Variants in MAP2K5 observed in about 807,000 individuals in gnomAD.
The protein encoded by MAP2K5 is dual specificity mitogen-activated protein kinase kinase 5.
A neutral mutation model predicts 83.1 loss-of-function variants in MAP2K5; 49 were observed. The observed-to-expected ratio is 0.59, with a 90% CI of 0.47 to 0.75. MAP2K5 has a LOEUF of 0.75. MAP2K5 is among the 30% of genes least tolerant of loss of function. The pLI is 0.00. For synonymous variants in MAP2K5, 202 were observed against 191.8 expected, an observed-to-expected ratio of 1.05 and a Z score of -0.44; for missense variants, 457 against 557.5, an observed-to-expected ratio of 0.82 and a Z score of 1.82.
At chr15:67,653,115 G>A (rs1294048240) in intron 11 of MAP2K5, among the ~76,000 whole-genome samples, 1 of 151,722 alleles carries the variant, frequency 6.6e-6, no homozygotes, top group Non-Finnish European at 1.5e-5. Flanking sequence ...GTTTCATCTA[G>A]GTTATCTAAT....
At position 67,747,535 on chromosome 15, in the gene MAP2K5, AGTGTTAAAT is replaced by A. The variant is rs2089630267; in HGVS notation, c.1075-691_1075-683del. Among the ~76,000 whole-genome samples the A allele has an allele frequency of 1.3e-5, 2 of 152,216 alleles. No individual in the cohort carries two copies. Among genetic ancestry groups the A allele is most frequent in the Non-Finnish European group, 2.9e-5 (2 of 68,040 alleles). On this transcript the variant is annotated intron_variant, in intron 17 of 21. Transcript: ENST00000178640. This position sits in a 1 kb window ranked among gnomAD's most constrained non-coding sequence, Gnocchi z 4.1. Reference sequence around the variant, plus strand: ...AGCTTTGTAAGAAATGCAGTTTATCAGTGTTAAATGTGTGAGCAGCCTGCCTTCAGAATG... The same window carrying A: ...AGCTTTGTAAGAAATGCAGTTTATCAGTGTGAGCAGCCTGCCTTCAGAATG...
chr15:67,806,827 G>T lies in MAP2K5; in HGVS notation c.*77G>T. Reference sequence around the variant, plus strand: ...CACCCGTCGCCCTTCTCCGTATGCTGCCTGCGCCAGAAGAGCTTTGCTGGG... The same window carrying T: ...CACCCGTCGCCCTTCTCCGTATGCTTCCTGCGCCAGAAGAGCTTTGCTGGG... On this transcript the variant is annotated 3_prime_UTR_variant, in exon 22 of 22. Transcript: ENST00000178640. The T allele has an allele frequency of 1.3e-6, 2 of 1,597,836 alleles. No homozygotes were observed. Among genetic ancestry groups the T allele is most frequent in the Admixed American group, 3.3e-5 (2 of 59,914 alleles).
intron 8 of MAP2K5, among the ~76,000 whole-genome samples, chr15:67,624,407 C>T (rs1356175082): frequency 2.0e-5 from 3 of 151,016 alleles, no homozygotes; most frequent in Non-Finnish European, 4.4e-5. Flanking sequence ...CAGAGCCTGT[C>T]CCATTTGCTC....
rs1433969099 is a variant in MAP2K5 at position 67,665,521 on chromosome 15, A to G, written c.847+876A>G. The stretch of plus-strand genomic sequence containing the variant: ...TTTTCTTTTAAGGATATAAACTGTG[A>G]GATGGAGAAAACAACTGATATTTTC... On this transcript the variant is annotated intron_variant, in intron 13 of 21. Transcript: ENST00000178640. The surrounding 1 kb of genome is among the most constrained non-coding windows in gnomAD (Gnocchi z 4.2). Among the ~76,000 whole-genome samples, 4 of 152,186 alleles carry G rather than the reference A, an allele frequency of 2.6e-5. No homozygotes were observed. Among genetic ancestry groups the G allele is most frequent in the Non-Finnish European group, 1.5e-5 (1 of 68,030 alleles).
chr15:67,606,675 G>A (rs1163967614), intron 8 of MAP2K5, among the ~76,000 whole-genome samples: 1 of 152,114 alleles, frequency 6.6e-6, no homozygotes, highest in African/African-American at 2.4e-5. Flanking sequence ...TTTGACTGTA[G>A]AGGCCAACTA....
chr15:67,806,970 A>G lies in MAP2K5; in HGVS notation c.*220A>G. The G allele has an allele frequency of 2.0e-6, 3 of 1,528,724 alleles. No homozygotes were observed. Among genetic ancestry groups the G allele is most frequent in the South Asian group, 2.4e-5 (2 of 82,958 alleles). The allele number at this position is 1,528,724 out of a possible 1,614,324, so 94.7% of individuals were successfully genotyped here. A position where few individuals can be genotyped will look rare whatever the true frequency, so the allele number is the denominator to read the frequency against. On this transcript the variant is annotated 3_prime_UTR_variant, in exon 22 of 22. Coordinates refer to ENST00000178640, the MANE Select transcript of MAP2K5 (RefSeq NM_145160.3). Reference sequence around the variant, plus strand: ...TACCTTCTGGTTTGAAGGCGCTGACACTGGCAGAGAGGTAAAGGGTGGGGC... The same window carrying G: ...TACCTTCTGGTTTGAAGGCGCTGACGCTGGCAGAGAGGTAAAGGGTGGGGC...
At chr15:67,597,235 A>G (rs1453277586) in intron 7 of MAP2K5, among the ~76,000 whole-genome samples, 1 of 151,922 alleles carries the variant, frequency 6.6e-6, no homozygotes, top group Non-Finnish European at 1.5e-5. Flanking sequence ...GCTCTCCTTC[A>G]CCTCTTTTCA....
chr15:67,692,301 C>T (rs1354019184), intron 13 of MAP2K5, among the ~76,000 whole-genome samples, 178 bp from the exon 14 acceptor site: 1 of 152,106 alleles, frequency 6.6e-6, no homozygotes, highest in African/African-American at 2.4e-5. Context: ...GGAGTTAAGA[C>T]CTTACATTTT....
rs1237585177 is a variant in MAP2K5, at chr15:67,793,653, C to T, written c.1243-12993C>T. On this transcript the variant is annotated intron_variant, in intron 21 of 21. Transcript: ENST00000178640. The surrounding 1 kb of genome is among the most constrained non-coding windows in gnomAD (Gnocchi z 4.6). ...CAAGTTCTAGTTTAACTTCCATATT[C>T]TTAGTCTGAGATAAGGGTGTCAAAG... is the stretch of plus-strand genomic sequence containing the variant. Among the ~76,000 whole-genome samples, 2 of 152,202 alleles carry T rather than the reference C, an allele frequency of 1.3e-5. No homozygotes were observed. The highest frequency in any genetic ancestry group is 4.8e-5 in the African/African-American group (2 of 41,456).
chr15:67,766,315 AG>A (rs578167489), intron 19 of MAP2K5, among the ~76,000 whole-genome samples: 42 of 152,226 alleles, frequency 2.8e-4, no homozygotes, highest in Non-Finnish European at 5.3e-4. Context: ...TCAACGGAAA[AG>A]CATCTGGAAG....
At chr15:67,590,436 TCCCTCCCTCC>T in intron 6 of MAP2K5, among the ~76,000 whole-genome samples, 1 of 68,852 alleles carries the variant, frequency 1.5e-5, no homozygotes, top group African/African-American at 5.8e-5. Context: ...CCTCTCTCTC[TCCCTCCCTCC>T]CTCTCTCTCT....
At chr15:67,648,989 A>G (rs376016173) in intron 11 of MAP2K5, among the ~76,000 whole-genome samples, 2 of 152,160 alleles carry the variant, frequency 1.3e-5, no homozygotes, top group Non-Finnish European at 1.5e-5. Flanking sequence ...TCTGTTTTAC[A>G]CCACTTTGCA....
intron 16 of MAP2K5, among the ~76,000 whole-genome samples, chr15:67,723,406 A>T (rs1228052726): frequency 1.3e-5 from 2 of 152,132 alleles, no homozygotes; most frequent in Admixed American, 1.3e-4. Context: ...ACACTAAGGA[A>T]CGTCCTGTTT....
At chr15:67,628,433 TC>T (rs1423248830) in intron 8 of MAP2K5, 3 of 556,480 alleles carry the variant, frequency 5.4e-6, no homozygotes, top group Non-Finnish European at 9.4e-6. Context: ...TGAGCCAAGA[TC>T]GTGCCACTGC....
rs2090003851 is a variant in MAP2K5 at position 67,764,402 on chromosome 15, C to G, written c.1135-5200C>G. On this transcript the variant is annotated intron_variant, in intron 19 of 21. Transcript: ENST00000178640. This position sits in a 1 kb window ranked among gnomAD's most constrained non-coding sequence, Gnocchi z 4.9. ...GCTGCAGACTCTTTTACTTTATGCC[C>G]CATGACCCTCGTTTGTGAACTCGCG... Among the ~76,000 whole-genome samples, 1 of 152,134 alleles carries G rather than the reference C, an allele frequency of 6.6e-6. No individual in the cohort carries two copies.
In MAP2K5 at chr15:67,719,675, C is replaced by T. The variant is rs767543487; in HGVS notation, c.1045-8241C>T. On this transcript the variant is annotated intron_variant, in intron 16 of 21. Transcript: ENST00000178640. The surrounding 1 kb of genome is among the most constrained non-coding windows in gnomAD (Gnocchi z 4.6). Reference sequence around the variant, plus strand: ...TGACAGAAGAGGAGAAAAGGAGGAACAATTTGAATCAAGTCCTGAAAGAAT... The same window carrying T: ...TGACAGAAGAGGAGAAAAGGAGGAATAATTTGAATCAAGTCCTGAAAGAAT... Among the ~76,000 whole-genome samples, 1 of 152,102 alleles carries T rather than the reference C, an allele frequency of 6.6e-6. No homozygotes were observed. The highest frequency in any genetic ancestry group is 1.5e-5 in the Non-Finnish European group (1 of 68,026).
chr15:67,695,852 A>C (rs2088238848), intron 15 of MAP2K5, among the ~76,000 whole-genome samples: 1 of 152,222 alleles, frequency 6.6e-6, no homozygotes, highest in Non-Finnish European at 1.5e-5. Context: ...TGGATTGACA[A>C]AACTAAAATT....
intron 7 of MAP2K5, among the ~76,000 whole-genome samples, chr15:67,598,824 AC>A (rs1232374324): frequency 6.6e-6 from 1 of 152,190 alleles, no homozygotes; most frequent in East Asian, 1.9e-4. Flanking sequence ...CCTTAGTGCC[AC>A]AAATGCAGAA....
intron 21 of MAP2K5, among the ~76,000 whole-genome samples, chr15:67,797,713 C>T (rs1390345182): frequency 6.6e-6 from 1 of 152,018 alleles, no homozygotes; most frequent in Non-Finnish European, 1.5e-5. Flanking sequence ...GACAGAGTCT[C>T]ACCCTGTGGC....
Sources: gnomAD v4.1 joint callset for allele counts (sites outside exome capture counted in the v4.1 genomes callset) on GRCh38, gnomAD v4.1.1 for gene constraint, Gnocchi (gnomAD v3.1) non-coding constraint, MANE v1.5 for transcripts, NCBI Gene and HGNC (gene_info 2026-07-23, HGNC 2026-07-21) for gene names.